KIF6: variants seen among roughly 807,000 people sequenced by gnomAD.
The protein encoded by KIF6 is kinesin-like protein KIF6.
In KIF6, 106 loss-of-function variants were observed where a neutral mutation model predicts 112.7. That is an observed-to-expected ratio of 0.94 (90% CI 0.80 to 1.11). KIF6 has a LOEUF of 1.11. KIF6 is among the 50% of genes least tolerant of loss of function. The probability of loss-of-function intolerance (pLI) is 0.00; values close to 1 mark genes in which losing one functional copy is unlikely to be tolerated. For missense variants in KIF6, 929 were observed against 964.0 expected, an observed-to-expected ratio of 0.96 and a Z score of 0.48; for synonymous variants, 339 against 339.9, an observed-to-expected ratio of 1.00 and a Z score of 0.03.
intron 10 of KIF6, among the ~76,000 whole-genome samples, chr6:39,550,270 G>A (rs1389755285): frequency 6.6e-6 from 1 of 152,134 alleles, no homozygotes; most frequent in Non-Finnish European, 1.5e-5. Flanking sequence ...ATATCTCTAT[G>A]GCACTGGCTG....
intron 3 of KIF6, among the ~76,000 whole-genome samples, chr6:39,692,435 C>T (rs1025117908): frequency 6.6e-6 from 1 of 152,196 alleles, no homozygotes; most frequent in Admixed American, 6.5e-5. Flanking sequence ...CTATTCTTTT[C>T]ATAACATGAT....
In KIF6 at chr6:39,515,689, C is replaced by T. The variant is rs142881736; in HGVS notation, c.1645+24314G>A. ...CACATAGGAGATGTGGTTTCTCCAC[C>T]CCTCCCACTGTGAGAGGGAAGGAAA... On this transcript the variant is annotated intron_variant, in intron 13 of 22. Coordinates refer to ENST00000287152, the MANE Select transcript of KIF6 (RefSeq NM_145027.6). 2.5e-3 allele frequency among the ~76,000 whole-genome samples: 383 copies of T among 152,240 alleles called. 2 individuals carry two copies. Among genetic ancestry groups the T allele is most frequent in the African/African-American group, 8.5e-3 (355 of 41,558 alleles).
chr6:39,399,036 G>A (rs1416159890), intron 15 of KIF6, among the ~76,000 whole-genome samples: 3 of 152,186 alleles, frequency 2.0e-5, no homozygotes, highest in Admixed American at 2.0e-4. Flanking sequence ...TGTGCCTCCA[G>A]ACTGCCTTTG....
At chr6:39,583,112 G>T in intron 9 of KIF6, 1 of 249,736 alleles carries the variant, frequency 4.0e-6, no homozygotes, top group Non-Finnish European at 8.2e-6. Flanking sequence ...TTCCTTCAAA[G>T]AAAAATCTCT....
chr6:39,624,006 C>A (rs1267035501), intron 5 of KIF6, among the ~76,000 whole-genome samples: 1 of 152,118 alleles, frequency 6.6e-6, no homozygotes, highest in African/African-American at 2.4e-5. Flanking sequence ...AATTAGGAAA[C>A]CATTGAGGGT....
intron 13 of KIF6, among the ~76,000 whole-genome samples, chr6:39,433,816 C>T (rs1927775): frequency 0.31 from 46,912 of 152,064 alleles, 9,548 homozygotes; most frequent in African/African-American, 0.57. Context: ...GAAGGACTCA[C>T]GGGCAGCTCC....
At chr6:39,691,122 T>A (rs1176042721) in intron 3 of KIF6, 1 of 152,204 alleles carries the variant, frequency 6.6e-6, no homozygotes, top group Admixed American at 6.5e-5. Flanking sequence ...ATTTTCTAAA[T>A]CTGGCAACCC....
chr6:39,464,555 G>T (rs1268031788), intron 13 of KIF6, among the ~76,000 whole-genome samples: 1 of 152,162 alleles, frequency 6.6e-6, no homozygotes, highest in Non-Finnish European at 1.5e-5. Context: ...ATGAGCATCT[G>T]TTTAAAAGTG....
At chr6:39,700,032 T>C (rs1198186108) in intron 3 of KIF6, among the ~76,000 whole-genome samples, 2 of 152,218 alleles carry the variant, frequency 1.3e-5, no homozygotes, top group Admixed American at 6.5e-5. Flanking sequence ...TGTGGGTCCA[T>C]AGTAGGTGTA....
intron 17 of KIF6, 120 bp from the exon 18 acceptor site, chr6:39,360,650 G>C (rs998345547): frequency 8.8e-7 from 1 of 1,141,858 alleles, no homozygotes; most frequent in African/African-American, 1.5e-5. Flanking sequence ...CTGGTGCTCA[G>C]GGACTGGGAC....
At chr6:39,524,502 G>T (rs1446122367) in intron 13 of KIF6, among the ~76,000 whole-genome samples, 1 of 152,174 alleles carries the variant, frequency 6.6e-6, no homozygotes, top group Non-Finnish European at 1.5e-5. Flanking sequence ...TCCTCCAGCT[G>T]CGGGGAGCAT....
At chr6:39,363,392 G>A (rs558020621) in intron 16 of KIF6, among the ~76,000 whole-genome samples, 1 of 152,284 alleles carries the variant, frequency 6.6e-6, no homozygotes, top group African/African-American at 2.4e-5. Flanking sequence ...CCATCATGAG[G>A]CCCAGGGGAG....
intron 10 of KIF6, among the ~76,000 whole-genome samples, chr6:39,573,409 T>C (rs1357802296): frequency 6.6e-6 from 1 of 152,244 alleles, no homozygotes; most frequent in African/African-American, 2.4e-5. Flanking sequence ...ATGTAGGTTG[T>C]ACTAATGTTC....
rs537264373 is a variant in KIF6, at chr6:39,473,893, C to T, written c.1646-42732G>A. Among the ~76,000 whole-genome samples the T allele has an allele frequency of 2.8e-4, 42 of 152,224 alleles. No homozygotes were observed. The South Asian group carries it at 8.3e-3, about 30-fold the overall frequency. ...GTATGGTAGAAAACTCAGGACACAT[C>T]TTTTTCAATGAATAATTTTCTCTGT... is the stretch of plus-strand genomic sequence containing the variant. On this transcript the variant is annotated intron_variant, in intron 13 of 22. Coordinates refer to ENST00000287152, the MANE Select transcript of KIF6 (RefSeq NM_145027.6).
chr6:39,531,374 C>T (rs542610136), intron 13 of KIF6, among the ~76,000 whole-genome samples: 1 of 152,150 alleles, frequency 6.6e-6, no homozygotes, highest in South Asian at 2.1e-4. Context: ...TTATAAGATG[C>T]TGTGGGGAAG....
chr6:39,679,041 C>T (rs1787341822), intron 3 of KIF6, among the ~76,000 whole-genome samples: 2 of 152,140 alleles, frequency 1.3e-5, no homozygotes, highest in Admixed American at 6.5e-5. Flanking sequence ...GAATAAGTTA[C>T]AAAGCACACG....
At chr6:39,554,564 A>G (rs1174441508) in intron 10 of KIF6, 1 of 153,012 alleles carries the variant, frequency 6.5e-6, no homozygotes, top group Non-Finnish European at 1.5e-5. Flanking sequence ...ACAGCTCCGG[A>G]GCCCAGTGGT....
At chr6:39,482,040 A>ACACC (rs926486343) in intron 13 of KIF6, among the ~76,000 whole-genome samples, 8 of 147,782 alleles carry the variant, frequency 5.4e-5, no homozygotes, top group African/African-American at 2.0e-4. Context: ...ACACACACAC[A>ACACC]CCCCACTGGG....
At chr6:39,619,574 T>C (rs1202283884) in intron 5 of KIF6, among the ~76,000 whole-genome samples, 2 of 152,188 alleles carry the variant, frequency 1.3e-5, no homozygotes, top group African/African-American at 4.8e-5. Flanking sequence ...TGTCTGCTGC[T>C]TACTGTGCTC....
Sources: allele counts gnomAD v4.1 joint callset (sites outside exome capture counted in the v4.1 genomes callset), GRCh38; gene constraint gnomAD v4.1.1; transcripts MANE v1.5; gene names NCBI Gene and HGNC (gene_info 2026-07-23, HGNC 2026-07-21).